ANKH: variants seen among roughly 807,000 people sequenced by gnomAD.
ANKH encodes the protein mineralization regulator ANKH.
Under a neutral mutation model 49.0 loss-of-function variants are expected in ANKH, and 15 were observed. That is an observed-to-expected ratio of 0.31 (90% CI 0.20 to 0.47). The LOEUF (loss-of-function observed/expected upper bound fraction) is 0.47. Among genes scored for constraint, ANKH ranks in the 20% least tolerant of loss-of-function variants. The pLI is 1.00. For missense variants in ANKH, 429 were observed against 652.0 expected (o/e 0.66, Z 3.72); for synonymous variants, 273 against 260.0 (o/e 1.05, Z -0.48).
At chr5:14,739,065 T>C (rs1738272448) in intron 8 of ANKH, among the ~76,000 whole-genome samples, 1 of 152,130 alleles carries the variant, frequency 6.6e-6, no homozygotes, top group South Asian at 2.1e-4. Flanking sequence ...ATGAATACAG[T>C]AAGAGACAGA....
intron 1 of ANKH, among the ~76,000 whole-genome samples, chr5:14,816,405 C>T (rs551743107): frequency 1.3e-5 from 2 of 151,318 alleles, no homozygotes; most frequent in South Asian, 2.1e-4. Context: ...ATTTTTTTTT[C>T]CTCACAATCC....
intron 4 of ANKH, among the ~76,000 whole-genome samples, chr5:14,751,662 G>C (rs1236510419): frequency 6.6e-6 from 1 of 152,052 alleles, no homozygotes. Flanking sequence ...GTACCATTGT[G>C]TGAAACCCAT....
chr5:14,802,542 T>C (rs1740595327), intron 1 of ANKH, among the ~76,000 whole-genome samples: 1 of 152,122 alleles, frequency 6.6e-6, no homozygotes, highest in South Asian at 2.1e-4. Context: ...CTGTCTCTCC[T>C]CCACAGCTTC....
chr5:14,847,568 C>T (rs2126617168), intron 1 of ANKH, among the ~76,000 whole-genome samples: 1 of 152,346 alleles, frequency 6.6e-6, no homozygotes, highest in South Asian at 2.1e-4. Context: ...CCTGGTCCTT[C>T]TAGCTGTCCT....
At chr5:14,777,145 C>A (rs966375849) in intron 1 of ANKH, among the ~76,000 whole-genome samples, 1 of 61,570 alleles carries the variant, frequency 1.6e-5, no homozygotes, top group Non-Finnish European at 3.5e-5. Flanking sequence ...GTTAGCCGGG[C>A]GTGGTGGGGG....
At position 14,708,081 on chromosome 5, in the gene ANKH, C is replaced by G. The variant is rs1383430343; in HGVS notation, c.*3116G>C. 1 of 152,230 alleles carries G rather than the reference C, an allele frequency of 6.6e-6. No individual in the cohort carries two copies. Among genetic ancestry groups the G allele is most frequent in the Non-Finnish European group, 1.5e-5 (1 of 68,042 alleles). 9.4% of individuals were successfully genotyped at this position (152,230 alleles called of 1,614,324 possible). On this transcript the variant is annotated 3_prime_UTR_variant, in exon 12 of 12. Transcript: ENST00000284268. ...TTCCAAGCGCAAGCCTCGTCTAGTT[C>G]TTTTTGCTCAGTTGTTGTCTCACTG...
In ANKH at chr5:14,712,935, G is replaced by T. The variant is rs761698657; in HGVS notation, c.1304C>A (p.Ala435Glu). ...CATGGTGGATTCTCCCACAAAGCCC[G>T]CCAGGAGGGAGCCCACGCCCAGGGT... ...GATLGVGSLL[A>E]GFVGESTMVA... Residue 435 changes from alanine (A) to glutamate (E), a missense_variant, in exon 11 of 12, where the codon GCG (alanine) becomes GAG (glutamate). This residue lies in a region of ANKH where 378 missense variants were observed against 615.3 expected (regional missense o/e 0.61). Coordinates refer to ENST00000284268, the MANE Select transcript of ANKH (RefSeq NM_054027.6). 6.2e-7 allele frequency: 1 copy of T among 1,613,592 alleles called. No homozygotes were observed. Among genetic ancestry groups the T allele is most frequent in the Non-Finnish European group, 8.5e-7 (1 of 1,179,902 alleles).
chr5:14,857,093 C>G (rs1039883017), intron 1 of ANKH, among the ~76,000 whole-genome samples: 4 of 152,200 alleles, frequency 2.6e-5, no homozygotes, highest in African/African-American at 9.6e-5. Flanking sequence ...CCTGCCCACC[C>G]TACGCCTATG....
rs1355761807 is a variant in ANKH at position 14,771,938 on chromosome 5, A to AC, written c.97-2748_97-2747insG. On this transcript the variant is annotated intron_variant, in intron 1 of 11. Transcript: ENST00000284268. ...CAAAAAAAGAAAAAAAAAAAAAAAAAAAAAAAAAACCAAAACAAAACAAAA... is the reference window on the plus strand; with the variant it reads ...CAAAAAAAGAAAAAAAAAAAAAAAAACAAAAAAAAACCAAAACAAAACAAAA... Among the ~76,000 whole-genome samples the AC allele has an allele frequency of 1.6e-4, 21 of 128,940 alleles. 1 individual carries two copies. The highest frequency in any genetic ancestry group is 6.3e-4 in the African/African-American group (19 of 30,176). The allele number at this position is 128,940 out of a possible 152,430, so 84.6% of individuals were successfully genotyped here.
In ANKH at chr5:14,716,855, A is replaced by G; in HGVS notation, c.1012-20T>C. The stretch of plus-strand genomic sequence containing the variant: ...ACAGAGCTGGGGAGAAAGACATCAA[A>G]CAGGGTTGTGAGGAAAAAGTGTAAG... On this transcript the variant is annotated intron_variant, in intron 8 of 11. Transcript: ENST00000284268. 1 of 1,613,148 alleles carries G rather than the reference A, an allele frequency of 6.2e-7. No individual in the cohort carries two copies. The highest frequency in any genetic ancestry group is 8.5e-7 in the Non-Finnish European group (1 of 1,179,334).
chr5:14,750,841 T>C (rs1383109577), intron 5 of ANKH, among the ~76,000 whole-genome samples: 1 of 152,196 alleles, frequency 6.6e-6, no homozygotes, highest in Non-Finnish European at 1.5e-5. Flanking sequence ...TCTCCTCCTA[T>C]GGGATAAGGA....
At position 14,706,343 on chromosome 5, in the gene ANKH, G is replaced by T. The variant is rs533464901; in HGVS notation, c.*4854C>A. 6.6e-6 allele frequency: 1 copy of T among 152,282 alleles called. No individual in the cohort carries two copies. The highest frequency in any genetic ancestry group is 6.5e-5 in the Admixed American group (1 of 15,306). 9.4% of individuals were successfully genotyped at this position (152,282 alleles called of 1,614,324 possible). On this transcript the variant is annotated 3_prime_UTR_variant, in exon 12 of 12. Coordinates refer to ENST00000284268, the MANE Select transcript of ANKH (RefSeq NM_054027.6). ...CAGAGAAAAACATTATCACTAAAAT[G>T]AAATATTTTAAAAGATACTGGCTAT...
In ANKH at chr5:14,751,196, C is replaced by T. The variant is rs146886108; in HGVS notation, c.560G>A (p.Arg187Gln). 5.2e-3 allele frequency: 8,360 copies of T among 1,614,150 alleles called. 38 individuals are homozygous for T. Among genetic ancestry groups the T allele is most frequent in the Non-Finnish European group, 6.5e-3 (7,662 of 1,180,038 alleles). The stretch of plus-strand genomic sequence containing the variant: ...GAGGATCGGGATGAGCAGGGGCTCC[C>T]GGCATTCCAGGTGACTGTGAAGCAA... The part of the protein sequence containing the change: ...AILLHSHLEC[R>Q]EPLLIPILSL... Residue 187 changes from arginine (R) to glutamine (Q), a missense_variant, in exon 5 of 12, where the codon CGG (arginine) becomes CAG (glutamine). Around this residue, in one of 2 missense-constraint regions of ANKH, gnomAD observed 378 missense variants for 615.3 expected, o/e 0.61. Transcript: ENST00000284268.
intron 4 of ANKH, among the ~76,000 whole-genome samples, chr5:14,753,494 T>C (rs569436255): frequency 3.2e-4 from 49 of 152,218 alleles, no homozygotes; most frequent in African/African-American, 1.1e-3. Flanking sequence ...CTGACCAGCC[T>C]TGGGATGTCA....
In ANKH at chr5:14,713,569, T is replaced by TGGCGATGAG; in HGVS notation, c.1231_1239dup (p.Leu411_Ala413dup). 1 of 1,614,178 alleles carries TGGCGATGAG rather than the reference T, an allele frequency of 6.2e-7. No individual in the cohort carries two copies. Among genetic ancestry groups the TGGCGATGAG allele is most frequent in the Non-Finnish European group, 8.5e-7 (1 of 1,180,036 alleles). On this transcript the variant is annotated inframe_insertion, in exon 10 of 12. Coordinates refer to ENST00000284268, the MANE Select transcript of ANKH (RefSeq NM_054027.6). This position sits in a 1 kb window ranked among gnomAD's most constrained non-coding sequence, Gnocchi z 4.4. Reference sequence around the variant, plus strand: ...CCCAGGTAGGGTAGGACCACGAGGCTGGCGATGAGGACGATGATCCGCAGC... The same window carrying TGGCGATGAG: ...CCCAGGTAGGGTAGGACCACGAGGCTGGCGATGAGGGCGATGAGGACGATGATCCGCAGC...
chr5:14,810,408 C>T (rs1293655474), intron 1 of ANKH, among the ~76,000 whole-genome samples: 4 of 152,174 alleles, frequency 2.6e-5, no homozygotes, highest in African/African-American at 9.7e-5. Context: ...ATCCGCCTGC[C>T]TCAGCCTCCC....
intron 1 of ANKH, chr5:14,797,250 G>A (rs1701970854): frequency 1.4e-6 from 2 of 1,389,474 alleles, no homozygotes; most frequent in South Asian, 2.3e-5. Context: ...AGGTTCACTG[G>A]GATTCCAGGA....
In ANKH at chr5:14,807,771, C is replaced by T. The variant is rs28691654; in HGVS notation, c.97-38580G>A. On this transcript the variant is annotated intron_variant, in intron 1 of 11. Transcript: ENST00000284268. ...GGGTTCAAGTCAAGGAGGTCTGAGT[C>T]ACAGAGTTCTAGAACTAGATAACCT... Among the ~76,000 whole-genome samples the T allele has an allele frequency of 5.2e-3, 799 of 152,286 alleles. 7 individuals carry two copies. The highest frequency in any genetic ancestry group is 0.017 in the African/African-American group (711 of 41,554).
rs993865155 is a variant in ANKH at position 14,849,602 on chromosome 5, G to A, written c.96+21750C>T. 7.9e-5 allele frequency among the ~76,000 whole-genome samples: 12 copies of A among 152,134 alleles called. 1 individual carries two copies. Among genetic ancestry groups the A allele is most frequent in the Admixed American group, 5.9e-4 (9 of 15,274 alleles). ...CAATAGACACATAAAAAGGTTTTGG[G>A]TTTGGCCACAGCCCACTCTGATGAT... On this transcript the variant is annotated intron_variant, in intron 1 of 11. Transcript: ENST00000284268.
Sources: gnomAD v4.1 joint callset for allele counts (sites outside exome capture counted in the v4.1 genomes callset) on GRCh38, gnomAD v4.1.1 for gene constraint, gnomAD v4.1.1 regional missense constraint, Gnocchi (gnomAD v3.1) non-coding constraint, MANE v1.5 for transcripts, NCBI Gene and HGNC (gene_info 2026-07-23, HGNC 2026-07-21) for gene names.